FPR3: variants seen among roughly 807,000 people sequenced by gnomAD.
FPR3 encodes the protein N-formyl peptide receptor 3.
For synonymous variants in FPR3, 135 were observed against 163.6 expected, an observed-to-expected ratio of 0.83 and a Z score of 1.34; for missense variants, 346 against 443.2, an observed-to-expected ratio of 0.78 and a Z score of 1.97.
In FPR3 at chr19:51,819,369, A is replaced by G. The variant is rs141835741; in HGVS notation, c.-10-4370A>G. ...GCTGTGATACTGAATGATATCACCTATAGAATGTGGGACACCCTAAATTTA... is the reference window on the plus strand; with the variant it reads ...GCTGTGATACTGAATGATATCACCTGTAGAATGTGGGACACCCTAAATTTA... On this transcript the variant is annotated intron_variant, in intron 1 of 1. Transcript: ENST00000339223. Among the ~76,000 whole-genome samples, 143 of 152,362 alleles carry G rather than the reference A, an allele frequency of 9.4e-4. 3 individuals are homozygous for G. In the South Asian group the frequency reaches 0.014, roughly 15 times the overall value.
At chr19:51,805,815 C>T (rs2084055094) in intron 1 of FPR3, among the ~76,000 whole-genome samples, 1 of 152,142 alleles carries the variant, frequency 6.6e-6, no homozygotes, top group Non-Finnish European at 1.5e-5. Context: ...AATTATCATG[C>T]CTAAGGCTCT....
rs369237228 is a variant in FPR3 at position 51,808,756 on chromosome 19, T to C, written c.-11+13425T>C. ...TTTTGTAAGGCACCCATCAGTTTTA[T>C]GTGTACATGAATAGCTCTTAAATCA... is the stretch of plus-strand genomic sequence containing the variant. On this transcript the variant is annotated intron_variant, in intron 1 of 1. Coordinates refer to ENST00000339223, the MANE Select transcript of FPR3 (RefSeq NM_002030.5). Among the ~76,000 whole-genome samples the C allele has an allele frequency of 9.2e-5, 14 of 152,360 alleles. 1 individual carries two copies. The South Asian group carries it at 2.9e-3, about 32-fold the overall frequency.
chr19:51,824,123 T>A lies in FPR3; in HGVS notation c.375T>A (p.Ile125=). 1 of 1,614,012 alleles carries A rather than the reference T, an allele frequency of 6.2e-7. No homozygotes were observed. Among genetic ancestry groups the A allele is most frequent in the Non-Finnish European group, 8.5e-7 (1 of 1,179,936 alleles). The stretch of plus-strand genomic sequence containing the variant: ...CCATCATTGCTCTGGACCGCTGTAT[T>A]TGTGTCCTGCATCCAGCCTGGGCCC... The part of the protein sequence containing the change: ...LITIIALDRC[I]CVLHPAWAQN... Residue 125 remains isoleucine, a synonymous_variant, in exon 2 of 2, where the codon ATT becomes ATA. Coordinates refer to ENST00000339223, the MANE Select transcript of FPR3 (RefSeq NM_002030.5). This position sits in a 1 kb window ranked among gnomAD's most constrained non-coding sequence, Gnocchi z 4.7.
In FPR3 at chr19:51,824,156, TC is replaced by T; in HGVS notation, c.409del (p.Arg137AlafsTer3). 1 of 1,614,086 alleles carries T rather than the reference TC, an allele frequency of 6.2e-7. No individual in the cohort carries two copies. The highest frequency in any genetic ancestry group is 8.5e-7 in the Non-Finnish European group (1 of 1,179,984). Reference protein sequence around the residue: ...VLHPAWAQNHRTMSLAKRVMT... With the variant: ...VLHPAWAQNHXTMSLAKRVMT... ...TGCATCCAGCCTGGGCCCAGAACCA[TC>T]GCACCATGAGTCTGGCCAAGAGGGT... is the stretch of plus-strand genomic sequence containing the variant. On this transcript the variant is annotated frameshift_variant, in exon 2 of 2. Coordinates refer to ENST00000339223, the MANE Select transcript of FPR3 (RefSeq NM_002030.5). LOFTEE classifies it low-confidence loss of function (END_TRUNC). This position sits in a 1 kb window ranked among gnomAD's most constrained non-coding sequence, Gnocchi z 4.7.
chr19:51,817,833 G>A (rs1290395988), intron 1 of FPR3: 1 of 152,242 alleles, frequency 6.6e-6, no homozygotes, highest in Non-Finnish European at 1.5e-5. Flanking sequence ...AACTCAGCTA[G>A]TGGTAAGTTG....
chr19:51,801,529 C>A (rs769470346), intron 1 of FPR3, among the ~76,000 whole-genome samples: 29 of 152,288 alleles, frequency 1.9e-4, no homozygotes, highest in Admixed American at 4.6e-4. Context: ...GCCCGTAATC[C>A]CAGCACTTTA....
intron 1 of FPR3, among the ~76,000 whole-genome samples, chr19:51,812,338 G>A (rs1412435606): frequency 1.3e-5 from 2 of 152,144 alleles, no homozygotes; most frequent in African/African-American, 4.8e-5. Context: ...ACAGCCCAAA[G>A]TGCTTCTTGT....
At chr19:51,797,289 G>A (rs532852695) in intron 1 of FPR3, among the ~76,000 whole-genome samples, 58 of 148,044 alleles carry the variant, frequency 3.9e-4, no homozygotes, top group African/African-American at 1.4e-3. Flanking sequence ...AGAAGGAAAA[G>A]GAAGAATTAG....
intron 1 of FPR3, among the ~76,000 whole-genome samples, chr19:51,801,576 T>A (rs2084027007): frequency 6.6e-6 from 1 of 152,046 alleles, no homozygotes; most frequent in South Asian, 2.1e-4. Flanking sequence ...AGGTCAAGAG[T>A]TCGAGATCAG....
chr19:51,804,265 A>G (rs533244537), intron 1 of FPR3, among the ~76,000 whole-genome samples: 1 of 152,286 alleles, frequency 6.6e-6, no homozygotes, highest in South Asian at 2.1e-4. Flanking sequence ...GAAAAAAAAA[A>G]GAGGAACTTT....
chr19:51,797,739 G>A (rs1206606496), intron 1 of FPR3, among the ~76,000 whole-genome samples: 7 of 152,152 alleles, frequency 4.6e-5, no homozygotes, highest in South Asian at 2.1e-4. Context: ...TATAAGCATC[G>A]TTCTTGTCCT....
At chr19:51,817,866 T>C (rs2084151999) in intron 1 of FPR3, 2 of 152,234 alleles carry the variant, frequency 1.3e-5, no homozygotes. Flanking sequence ...CTAAAAATTA[T>C]TGTTGGAATG....
rs1044095029 is a variant in FPR3, at chr19:51,824,383, T to C, written c.635T>C (p.Val212Ala). Reference protein sequence around the residue: ...LILHFIIGFSVPMSIITVCYG... With the variant: ...LILHFIIGFSAPMSIITVCYG... Reference sequence around the variant, plus strand: ...CTCCACTTCATTATTGGCTTCAGCGTGCCTATGTCCATCATCACAGTCTGC... The same window carrying C: ...CTCCACTTCATTATTGGCTTCAGCGCGCCTATGTCCATCATCACAGTCTGC... Residue 212 changes from valine (V) to alanine (A), a missense_variant, in exon 2 of 2, where the codon GTG (valine) becomes GCG (alanine). Physicochemically the swap from Val to Ala is moderately conservative, Grantham distance 64. Coordinates refer to ENST00000339223, the MANE Select transcript of FPR3 (RefSeq NM_002030.5). The surrounding 1 kb of genome is among the most constrained non-coding windows in gnomAD (Gnocchi z 4.7). The C allele has an allele frequency of 5.0e-6, 8 of 1,614,034 alleles. No homozygotes were observed. Among genetic ancestry groups the C allele is most frequent in the Non-Finnish European group, 5.9e-6 (7 of 1,180,028 alleles).
intron 1 of FPR3, among the ~76,000 whole-genome samples, chr19:51,802,344 G>A (rs1201158807): frequency 6.6e-6 from 1 of 152,126 alleles, no homozygotes; most frequent in East Asian, 1.9e-4. Context: ...AGAGGTACAG[G>A]CAATGAGAGG....
intron 1 of FPR3, among the ~76,000 whole-genome samples, chr19:51,809,765 A>G (rs2084084279): frequency 6.6e-6 from 1 of 152,148 alleles, no homozygotes; most frequent in Non-Finnish European, 1.5e-5. Context: ...GTCTGCCCCA[A>G]CTAACATTAC....
chr19:51,825,079 A>G lies in FPR3; in HGVS notation c.*269A>G. The G allele has an allele frequency of 2.9e-6, 1 of 350,024 alleles. No homozygotes were observed. The highest frequency in any genetic ancestry group is 4.5e-5 in the Admixed American group (1 of 22,338). 21.7% of individuals were successfully genotyped at this position (350,024 alleles called of 1,614,324 possible). On this transcript the variant is annotated 3_prime_UTR_variant, in exon 2 of 2. Transcript: ENST00000339223. ...GCTCATTCCCCAAGTCTGCTCCTCC[A>G]GTTGAGACACAAGTCACAAATCCAG...
chr19:51,821,313 A>G (rs774102126), intron 1 of FPR3, among the ~76,000 whole-genome samples: 13 of 152,196 alleles, frequency 8.5e-5, no homozygotes, highest in Non-Finnish European at 1.6e-4. Flanking sequence ...TTACTCTGTA[A>G]CAGTGATGCT....
chr19:51,810,115 A>G (rs1251762380), intron 1 of FPR3, among the ~76,000 whole-genome samples: 3 of 152,156 alleles, frequency 2.0e-5, no homozygotes, highest in African/African-American at 7.2e-5. Flanking sequence ...GTTTTTCACA[A>G]TTATAACATT....
At chr19:51,807,221 G>C (rs2084065700) in intron 1 of FPR3, among the ~76,000 whole-genome samples, 1 of 152,156 alleles carries the variant, frequency 6.6e-6, no homozygotes, top group Non-Finnish European at 1.5e-5. Flanking sequence ...GGAAGTGGGG[G>C]GGGTGGTTGC....
Sources: gnomAD v4.1 joint callset for allele counts (sites outside exome capture counted in the v4.1 genomes callset) on GRCh38, gnomAD v4.1.1 for gene constraint, Gnocchi (gnomAD v3.1) non-coding constraint, MANE v1.5 for transcripts, NCBI Gene and HGNC (gene_info 2026-07-23, HGNC 2026-07-21) for gene names.